The following NFIA variants were observed in gnomAD, a reference collection of about 807,000 sequenced individuals.
The protein encoded by NFIA is nuclear factor 1 A-type.
In NFIA, 8 loss-of-function variants were observed where a neutral mutation model predicts 62.8. The observed-to-expected ratio is 0.13, with a 90% CI of 0.07 to 0.23. NFIA has a LOEUF of 0.23. Among genes scored for constraint, NFIA ranks in the 10% least tolerant of loss-of-function variants. The pLI, the probability that NFIA is intolerant of heterozygous loss-of-function variation, is 1.00. For missense variants in NFIA, 410 were observed against 642.1 expected (o/e 0.64, Z 3.91); for synonymous variants, 235 against 238.1 (o/e 0.99, Z 0.12).
chr1:61,284,675 T>C (rs1658370440), intron 3 of NFIA, among the ~76,000 whole-genome samples: 1 of 152,208 alleles, frequency 6.6e-6, no homozygotes, highest in South Asian at 2.1e-4. Context: ...GAACAGACTT[T>C]AGGTTAGTTG....
At chr1:61,147,531 G>C (rs191209966) in intron 2 of NFIA, among the ~76,000 whole-genome samples, 227 of 152,334 alleles carry the variant, frequency 1.5e-3, no homozygotes, top group Non-Finnish European at 2.6e-3. Context: ...TACTGTAACG[G>C]AATCAAGTCA....
At chr1:61,102,473 A>C (rs1183620993) in intron 2 of NFIA, among the ~76,000 whole-genome samples, 1 of 152,096 alleles carries the variant, frequency 6.6e-6, no homozygotes, top group Non-Finnish European at 1.5e-5. Context: ...TTTGCTACTA[A>C]ATCTTTAGAA....
intron 10 of NFIA, among the ~76,000 whole-genome samples, chr1:61,450,301 T>A (rs1240910930): frequency 1.3e-5 from 2 of 152,218 alleles, no homozygotes; most frequent in Non-Finnish European, 2.9e-5. Context: ...CTGAGAGACC[T>A]CATCCATTTC....
intron 2 of NFIA, among the ~76,000 whole-genome samples, chr1:61,211,234 G>T (rs971935727): frequency 2.6e-5 from 4 of 152,108 alleles, no homozygotes; most frequent in Non-Finnish European, 5.9e-5. Context: ...ACAGTACCCA[G>T]TTTTTATTGG....
chr1:61,266,238 A>T (rs867867194), intron 2 of NFIA, among the ~76,000 whole-genome samples: 1 of 152,152 alleles, frequency 6.6e-6, no homozygotes, highest in African/African-American at 2.4e-5. Flanking sequence ...CACATGAAAC[A>T]TACCATCTTC....
chr1:61,210,825 A>G (rs547542855), intron 2 of NFIA, among the ~76,000 whole-genome samples: 10 of 152,310 alleles, frequency 6.6e-5, no homozygotes, highest in African/African-American at 2.2e-4. Flanking sequence ...TCTTGGCTCC[A>G]TCTACAGGCA....
At chr1:61,334,155 G>A (rs1661457534) in intron 4 of NFIA, among the ~76,000 whole-genome samples, 1 of 152,180 alleles carries the variant, frequency 6.6e-6, no homozygotes, top group Admixed American at 6.5e-5. Context: ...AACTGTCGGG[G>A]TTAGAATTGT....
chr1:61,235,429 C>G (rs1447858476), intron 2 of NFIA, among the ~76,000 whole-genome samples: 3 of 150,186 alleles, frequency 2.0e-5, no homozygotes, highest in Non-Finnish European at 2.9e-5. Flanking sequence ...CGCCACTGCA[C>G]TCCAGCCTGG....
chr1:61,153,264 A>G lies in NFIA; in HGVS notation c.559+64584A>G, dbSNP rs369874546. On this transcript the variant is annotated intron_variant, in intron 2 of 10. Coordinates refer to ENST00000403491, the MANE Select transcript of NFIA (RefSeq NM_001134673.4). ...ACTGTTCCCTATTATATTATGTTGT[A>G]TCAGCAGCCTGCTTCTATCATTTGC... Among the ~76,000 whole-genome samples the G allele has an allele frequency of 3.1e-4, 47 of 152,300 alleles. 1 individual carries two copies. Among genetic ancestry groups the G allele is most frequent in the African/African-American group, 1.1e-3 (47 of 41,562 alleles).
upstream of NFIA, chr1:61,081,691 T>G: frequency 1.8e-6 from 1 of 564,082 alleles, no homozygotes; most frequent in Non-Finnish European, 3.1e-6. Context: ...CCGCCTTCTT[T>G]TCTCCAGACC....
At chr1:61,079,230 TAA>T (rs1198024553), upstream of NFIA, among the ~76,000 whole-genome samples, 5 of 152,218 alleles carry the variant, frequency 3.3e-5, no homozygotes, top group African/African-American at 4.8e-5. Context: ...TGCCAGTTAA[TAA>T]AGTTAGTTTT....
chr1:61,077,448 A>T (rs1646046204), upstream of NFIA: 1 of 463,820 alleles, frequency 2.2e-6, no homozygotes, highest in East Asian at 3.5e-5. Flanking sequence ...TTTGGAGTTA[A>T]AAAAAAAATT....
intron 2 of NFIA, among the ~76,000 whole-genome samples, chr1:61,238,897 T>A (rs975944169): frequency 6.6e-6 from 1 of 152,180 alleles, no homozygotes; most frequent in African/African-American, 2.4e-5. Flanking sequence ...ATAGCCTTTG[T>A]AATTTGAGAA....
chr1:61,390,251 T>C (rs1318977905), intron 7 of NFIA, among the ~76,000 whole-genome samples: 1 of 152,144 alleles, frequency 6.6e-6, no homozygotes, highest in Non-Finnish European at 1.5e-5. Context: ...AAATAAATCA[T>C]GCTCTTAGAT....
chr1:61,101,686 G>T (rs1334346181), intron 2 of NFIA, among the ~76,000 whole-genome samples: 1 of 152,020 alleles, frequency 6.6e-6, no homozygotes, highest in Non-Finnish European at 1.5e-5. Flanking sequence ...GCTCCTTCTT[G>T]GAAAAAAGTT....
chr1:61,138,806 TC>T (rs1647286859), intron 2 of NFIA, among the ~76,000 whole-genome samples: 1 of 151,288 alleles, frequency 6.6e-6, no homozygotes, highest in African/African-American at 2.4e-5. Flanking sequence ...GGTCTCGAAC[TC>T]CTGGCCTCAA....
chr1:61,125,668 G>C (rs1355466033), intron 2 of NFIA, among the ~76,000 whole-genome samples: 1 of 152,186 alleles, frequency 6.6e-6, no homozygotes, highest in Non-Finnish European at 1.5e-5. Flanking sequence ...AGTGGAATGA[G>C]CTAGCAAGCA....
chr1:61,232,736 A>AGTTTT (rs1654756004), intron 2 of NFIA, among the ~76,000 whole-genome samples: 1 of 152,040 alleles, frequency 6.6e-6, no homozygotes, highest in South Asian at 2.1e-4. Context: ...AGTTTAGTTT[A>AGTTTT]GTTTTTCCTG....
At chr1:61,333,383 G>T (rs993354126) in intron 4 of NFIA, among the ~76,000 whole-genome samples, 2 of 152,156 alleles carry the variant, frequency 1.3e-5, no homozygotes, top group African/African-American at 4.8e-5. Context: ...TTGCAAGATT[G>T]ACTGAGTAAG....
Sources: allele counts gnomAD v4.1 joint callset (sites outside exome capture counted in the v4.1 genomes callset), GRCh38; gene constraint gnomAD v4.1.1; transcripts MANE v1.5; gene names NCBI Gene and HGNC (gene_info 2026-07-23, HGNC 2026-07-21).